The following PICK1 variants were observed in gnomAD, a reference collection of about 807,000 sequenced individuals.
PICK1 encodes the protein protein interacting with PRKCA 1, also known as PRKCA-binding protein.
Under a neutral mutation model 48.9 loss-of-function variants are expected in PICK1, and 23 were observed. That is an observed-to-expected ratio of 0.47 (90% CI 0.34 to 0.67). The LOEUF (loss-of-function observed/expected upper bound fraction) is 0.67, where lower values mean the gene tolerates loss of function less well. Among genes scored for constraint, PICK1 ranks in the 30% least tolerant of loss-of-function variants. PICK1 has a pLI of 0.01. For missense variants in PICK1, 423 were observed against 557.1 expected (o/e 0.76, Z 2.42); for synonymous variants, 217 against 228.2 (o/e 0.95, Z 0.44).
At chr22:38,059,419 C>A in intron 3 of PICK1, 74 bp downstream of exon 3, 2 of 987,294 alleles carry the variant, frequency 2.0e-6, no homozygotes, top group Non-Finnish European at 3.2e-6. Flanking sequence ...CATTTCTCCA[C>A]ACTGCATAGC....
At position 38,074,371 on chromosome 22, in the gene PICK1, G is replaced by A. The variant is rs2085780307; in HGVS notation, c.899G>A (p.Cys300Tyr). The change falls in exon 12 of 13, where the codon TGC (cysteine) becomes TAC (tyrosine). Residue 300 changes from cysteine to tyrosine, a missense_variant. Physicochemically the swap from Cys to Tyr is radical, Grantham distance 194 (BLOSUM62 -2). Transcript: ENST00000356976. This position sits in a 1 kb window ranked among gnomAD's most constrained non-coding sequence, Gnocchi z 4.5. ...TATGAGTACCGCCTGATCCTGCGCT[G>A]CCGCCAGGAGGCGCGCGCCCGCTTC... is the stretch of plus-strand genomic sequence containing the variant. ...GNYEYRLILR[C>Y]RQEARARFSQ... 6.2e-7 allele frequency: 1 copy of A among 1,612,956 alleles called. No homozygotes were observed. The highest frequency in any genetic ancestry group is 8.5e-7 in the Non-Finnish European group (1 of 1,179,966).
At chr22:38,057,320 G>A (rs1204252664), upstream of PICK1, 1 of 183,164 alleles carries the variant, frequency 5.5e-6, no homozygotes, top group East Asian at 1.4e-4. Flanking sequence ...CGGGAGCCGG[G>A]AAGGGAAGGA....
chr22:38,074,454 G>A lies in PICK1; in HGVS notation c.979+3G>A, dbSNP rs1363139822. On this transcript the variant is annotated splice_donor_region_variant and intron_variant, in intron 12 of 12. Transcript: ENST00000356976. The surrounding 1 kb of genome is among the most constrained non-coding windows in gnomAD (Gnocchi z 4.5). ...GGAGCTGCTGGACCAGAAGCACGGT[G>A]AGCGCCGCCCTCCTCCCCGTCCGCT... 6.2e-7 allele frequency: 1 copy of A among 1,612,968 alleles called. No individual in the cohort carries two copies. Among genetic ancestry groups the A allele is most frequent in the East Asian group, 2.2e-5 (1 of 44,896 alleles).
intron 4 of PICK1, 110 bp from the exon 5 acceptor site, chr22:38,067,594 C>A: frequency 1.1e-6 from 1 of 927,426 alleles, no homozygotes. Context: ...CAGGTGTGAG[C>A]CACCGCACCC....
intron 8 of PICK1, among the ~76,000 whole-genome samples, chr22:38,072,215 G>A (rs2085714326): frequency 6.6e-6 from 1 of 152,182 alleles, no homozygotes; most frequent in Admixed American, 6.5e-5. Context: ...GTCCCTCTGG[G>A]GAATGAGGGC....
chr22:38,063,470 T>C (rs933132518), intron 3 of PICK1, among the ~76,000 whole-genome samples: 3 of 152,042 alleles, frequency 2.0e-5, no homozygotes, highest in Non-Finnish European at 4.4e-5. Flanking sequence ...TTGGTTTTTG[T>C]TGTTGAGTTT....
At chr22:38,057,615 C>T (rs879038573) in intron 1 of PICK1, 28 bp downstream of exon 1, 4 of 598,408 alleles carry the variant, frequency 6.7e-6, no homozygotes, top group South Asian at 5.6e-5. Flanking sequence ...AGCCCCCCAC[C>T]CGGAGACTGT....
chr22:38,073,910 A>C lies in PICK1; in HGVS notation c.834+87A>C, dbSNP rs2145884526. 7.7e-7 allele frequency: 1 copy of C among 1,299,960 alleles called. No homozygotes were observed. Among genetic ancestry groups the C allele is most frequent in the Admixed American group, 1.7e-5 (1 of 59,162 alleles). 80.5% of individuals were successfully genotyped at this position (1,299,960 alleles called of 1,614,324 possible). A position where few individuals can be genotyped will look rare whatever the true frequency, so the allele number is the denominator to read the frequency against. On this transcript the variant is annotated intron_variant, in intron 11 of 12. Transcript: ENST00000356976. The surrounding 1 kb of genome is among the most constrained non-coding windows in gnomAD (Gnocchi z 5.7). Reference sequence around the variant, plus strand: ...GGTGGCTCAGGCCAACCCGGGAGAGACCGGGGGGACTTGGCTGGACTCTCG... The same window carrying C: ...GGTGGCTCAGGCCAACCCGGGAGAGCCCGGGGGGACTTGGCTGGACTCTCG...
rs1483546468 is a variant in PICK1 at position 38,074,159 on chromosome 22, T to G, written c.835-148T>G. The G allele has an allele frequency of 3.3e-5, 32 of 963,716 alleles. No homozygotes were observed. Among genetic ancestry groups the G allele is most frequent in the Non-Finnish European group, 3.4e-5 (22 of 648,000 alleles). The allele number at this position is 963,716 out of a possible 1,614,324, so 59.7% of individuals were successfully genotyped here. ...CAGAGGTTTGGGTTTGGTTTTTTCCTCTCTTCAAAGCTATCACTGAGTGCT... is the reference window on the plus strand; with the variant it reads ...CAGAGGTTTGGGTTTGGTTTTTTCCGCTCTTCAAAGCTATCACTGAGTGCT... On this transcript the variant is annotated intron_variant, in intron 11 of 12. Coordinates refer to ENST00000356976, the MANE Select transcript of PICK1 (RefSeq NM_012407.4). This position sits in a 1 kb window ranked among gnomAD's most constrained non-coding sequence, Gnocchi z 4.5.
intron 5 of PICK1, 35 bp downstream of exon 5, chr22:38,067,805 G>A (rs780444082): frequency 6.3e-7 from 1 of 1,577,538 alleles, no homozygotes; most frequent in East Asian, 2.2e-5. Flanking sequence ...GTGTCCAGCA[G>A]CCTCCCTGGA....
In PICK1 at chr22:38,072,625, G is replaced by A. The variant is rs7289911; in HGVS notation, c.690+15G>A. On this transcript the variant is annotated intron_variant, in intron 9 of 12. Coordinates refer to ENST00000356976, the MANE Select transcript of PICK1 (RefSeq NM_012407.4). ...CCATCAAGCCGGTAGGTCCTATTGA[G>A]CATGTGTGTGTCTGGCGTGTGAGGG... 0.045 allele frequency: 71,847 copies of A among 1,612,392 alleles called. 6,214 individuals carry two copies. Among genetic ancestry groups the A allele is most frequent in the African/African-American group, 0.38 (28,194 of 74,962 alleles).
At position 38,073,874 on chromosome 22, in the gene PICK1, C is replaced by T. The variant is rs781003204; in HGVS notation, c.834+51C>T. ...TTGTACTTCCCCCCACCTGGTCTGC[C>T]AGGGATAGCAGGTGGCTCAGGCCAA... On this transcript the variant is annotated intron_variant, in intron 11 of 12. Coordinates refer to ENST00000356976, the MANE Select transcript of PICK1 (RefSeq NM_012407.4). The surrounding 1 kb of genome is among the most constrained non-coding windows in gnomAD (Gnocchi z 5.7). 3.2e-6 allele frequency: 5 copies of T among 1,572,404 alleles called. No individual in the cohort carries two copies. In the Middle Eastern group the frequency reaches 6.7e-4, roughly 210 times the overall value.
rs767801528 is a variant in PICK1, at chr22:38,075,053, C to T, written c.1169C>T (p.Thr390Met). The change falls in exon 13 of 13, where the codon ACG (threonine) becomes ATG (methionine). Residue 390 changes from threonine to methionine, a missense_variant. By Grantham distance (81) the Thr-to-Met change is moderately conservative. Transcript: ENST00000356976. Reference protein sequence around the residue: ...DGEEEEEEEDTAAGEPSRDTR... With the variant: ...DGEEEEEEEDMAAGEPSRDTR... ...GAGGAGGAGGAGGAGGAGGAAGACACGGCAGCTGGGGAGCCGTCCAGGGAT... is the reference window on the plus strand; with the variant it reads ...GAGGAGGAGGAGGAGGAGGAAGACATGGCAGCTGGGGAGCCGTCCAGGGAT... 2 of 1,613,148 alleles carry T rather than the reference C, an allele frequency of 1.2e-6. No individual in the cohort carries two copies. The highest frequency in any genetic ancestry group is 1.3e-5 in the African/African-American group (1 of 75,048).
chr22:38,065,178 C>T, intron 4 of PICK1, 48 bp downstream of exon 4: 1 of 1,587,498 alleles, frequency 6.3e-7, no homozygotes, highest in Non-Finnish European at 8.6e-7. Flanking sequence ...ACACATGTTT[C>T]TGAGACCTCC....
chr22:38,058,931 C>T (rs1167479168), intron 2 of PICK1, among the ~76,000 whole-genome samples: 1 of 152,118 alleles, frequency 6.6e-6, no homozygotes, highest in Admixed American at 6.5e-5. Flanking sequence ...CACTTGAACC[C>T]GGGAGGCGGA....
At chr22:38,068,043 A>ACT (rs1331183632) in intron 5 of PICK1, 1 of 577,954 alleles carries the variant, frequency 1.7e-6, no homozygotes, top group Admixed American at 2.2e-5. Flanking sequence ...TCCTCTGGGG[A>ACT]CTTGCTACCC....
At position 38,066,536 on chromosome 22, in the gene PICK1, C is replaced by T. The variant is rs1349526183; in HGVS notation, c.283-1168C>T. On this transcript the variant is annotated intron_variant, in intron 4 of 12. Transcript: ENST00000356976. This position sits in a 1 kb window ranked among gnomAD's most constrained non-coding sequence, Gnocchi z 4.1. Reference sequence around the variant, plus strand: ...ATTACTCTCCCATCTTACAGGTGTCCACAGGCGGGGAGTGACCTGCTTGTG... The same window carrying T: ...ATTACTCTCCCATCTTACAGGTGTCTACAGGCGGGGAGTGACCTGCTTGTG... Among the ~76,000 whole-genome samples the T allele has an allele frequency of 3.9e-5, 6 of 152,194 alleles. No individual in the cohort carries two copies. Among genetic ancestry groups the T allele is most frequent in the Non-Finnish European group, 4.4e-5 (3 of 68,028 alleles).
intron 3 of PICK1, among the ~76,000 whole-genome samples, chr22:38,060,219 CA>C (rs1303376440): frequency 1.3e-5 from 2 of 151,658 alleles, no homozygotes; most frequent in Non-Finnish European, 2.9e-5. Context: ...GACCCTGTTT[CA>C]AAAAAAAGAA....
At position 38,071,894 on chromosome 22, in the gene PICK1, T is replaced by C. The variant is rs2085705841; in HGVS notation, c.556+150T>C. ...CAGGTGCTGGGATTTGCGATGGGCC[T>C]GCGGGGAACATCTAGATCAGCTGGT... On this transcript the variant is annotated intron_variant, in intron 8 of 12. Transcript: ENST00000356976. 10 of 723,418 alleles carry C rather than the reference T, an allele frequency of 1.4e-5. No homozygotes were observed. The South Asian group carries it at 1.5e-4, about 11-fold the overall frequency. 44.8% of individuals were successfully genotyped at this position (723,418 alleles called of 1,614,324 possible).
Sources: gnomAD v4.1 joint callset for allele counts (sites outside exome capture counted in the v4.1 genomes callset) on GRCh38, gnomAD v4.1.1 for gene constraint, Gnocchi (gnomAD v3.1) non-coding constraint, MANE v1.5 for transcripts, NCBI Gene and HGNC (gene_info 2026-07-23, HGNC 2026-07-21) for gene names.